Variants in NEIL3 observed in about 807,000 individuals in gnomAD.
NEIL3 encodes endonuclease 8-like 3.
Under a neutral mutation model 57.5 loss-of-function variants are expected in NEIL3, and 48 were observed. The ratio of observed to expected loss-of-function variants is 0.83; its 90% CI spans 0.66 to 1.06. The LOEUF (loss-of-function observed/expected upper bound fraction) is 1.06, where lower values mean the gene tolerates loss of function less well. NEIL3 is among the 50% of genes least tolerant of loss of function. NEIL3 has a pLI of 0.00. For missense variants in NEIL3, 717 were observed against 739.1 expected, an observed-to-expected ratio of 0.97 and a Z score of 0.35; for synonymous variants, 261 against 253.2, an observed-to-expected ratio of 1.03 and a Z score of -0.29.
chr4:177,337,726 C>T (rs745527735), intron 4 of NEIL3, among the ~76,000 whole-genome samples: 1 of 152,136 alleles, frequency 6.6e-6, no homozygotes, highest in Non-Finnish European at 1.5e-5. Flanking sequence ...TGGCCAGGCA[C>T]GGTGGTTCAT....
intron 2 of NEIL3, among the ~76,000 whole-genome samples, chr4:177,332,994 C>G (rs28543980): frequency 0.12 from 18,403 of 151,924 alleles, 1,207 homozygotes; most frequent in Middle Eastern, 0.21. Flanking sequence ...TCACTTTCAG[C>G]CTTCTGCATC....
downstream of NEIL3, among the ~76,000 whole-genome samples, chr4:177,366,461 C>T (rs769451586): frequency 1.3e-5 from 2 of 152,180 alleles, no homozygotes; most frequent in South Asian, 2.1e-4. Context: ...TGCAGTGGCA[C>T]AATCTCGGCT....
At chr4:177,364,178 T>G (rs58610743), downstream of NEIL3, among the ~76,000 whole-genome samples, 1 of 152,248 alleles carries the variant, frequency 6.6e-6, no homozygotes, top group African/African-American at 2.4e-5. Flanking sequence ...TCTATTATGA[T>G]AAAATTTCTC....
intron 2 of NEIL3, among the ~76,000 whole-genome samples, chr4:177,331,316 G>A (rs914913882): frequency 5.3e-5 from 8 of 150,934 alleles, no homozygotes; most frequent in Middle Eastern, 6.8e-3. Context: ...TGCTCTGTGC[G>A]GTCTGCTGGT....
intron 1 of NEIL3, among the ~76,000 whole-genome samples, chr4:177,311,732 C>G (rs1005317489): frequency 6.7e-6 from 1 of 149,446 alleles, no homozygotes; most frequent in Non-Finnish European, 1.5e-5. Context: ...CCATGCAGCT[C>G]AGGGATTGGA....
intron 8 of NEIL3, among the ~76,000 whole-genome samples, chr4:177,360,020 CA>C (rs1735576505): frequency 6.6e-6 from 1 of 152,130 alleles, no homozygotes; most frequent in East Asian, 1.9e-4. Flanking sequence ...TTAAAGTGGA[CA>C]GCAGAGAGAG....
chr4:177,335,424 A>G (rs910745395), intron 2 of NEIL3, among the ~76,000 whole-genome samples: 1 of 152,124 alleles, frequency 6.6e-6, no homozygotes, highest in Admixed American at 6.5e-5. Context: ...TTTTGGGCTT[A>G]TTGTTGGTAC....
chr4:177,369,843 A>G, the NEIL3 span, among the ~76,000 whole-genome samples: 2 of 152,216 alleles, frequency 1.3e-5, no homozygotes. Context: ...TTGTGAGGAT[A>G]AAATAAAATA....
Position 177,362,551 on chromosome 4 carries a change from A to C in NEIL3, c.*80A>C. 1 of 1,128,306 alleles carries C rather than the reference A, an allele frequency of 8.9e-7. No individual in the cohort carries two copies. Among genetic ancestry groups the C allele is most frequent in the Non-Finnish European group, 1.3e-6 (1 of 795,914 alleles). 69.9% of individuals were successfully genotyped at this position (1,128,306 alleles called of 1,614,324 possible). A position where few individuals can be genotyped will look rare whatever the true frequency, so the allele number is the denominator to read the frequency against. On this transcript the variant is annotated 3_prime_UTR_variant, in exon 10 of 10. Coordinates refer to ENST00000264596, the MANE Select transcript of NEIL3 (RefSeq NM_018248.3). ...CTCCTCTGTTTCATAGAAAAGTCAT[A>C]GAATATCTATGATACATTGAAAAGT...
At chr4:177,363,144 C>T (rs770916732), downstream of NEIL3, among the ~76,000 whole-genome samples, 2 of 152,124 alleles carry the variant, frequency 1.3e-5, no homozygotes, top group Non-Finnish European at 2.9e-5. Context: ...ACGCCCTCTC[C>T]CCGCTGCTTG....
intron 2 of NEIL3, among the ~76,000 whole-genome samples, chr4:177,330,846 T>A (rs1363256500): frequency 6.6e-6 from 1 of 152,216 alleles, no homozygotes; most frequent in South Asian, 2.1e-4. Context: ...CTGTGTATTT[T>A]ATAATTAGAG....
At chr4:177,347,479 A>G (rs1004598655) in intron 6 of NEIL3, among the ~76,000 whole-genome samples, 1 of 152,184 alleles carries the variant, frequency 6.6e-6, no homozygotes, top group African/African-American at 2.4e-5. Context: ...ACTGTTGCCA[A>G]TACTTTTGAG....
At chr4:177,334,214 T>C (rs1734934267) in intron 2 of NEIL3, among the ~76,000 whole-genome samples, 1 of 152,080 alleles carries the variant, frequency 6.6e-6, no homozygotes, top group African/African-American at 2.4e-5. Flanking sequence ...ATTTTCATGA[T>C]ACTGATACAT....
At chr4:177,347,867 A>G (rs1246966955) in intron 6 of NEIL3, among the ~76,000 whole-genome samples, 4 of 152,248 alleles carry the variant, frequency 2.6e-5, no homozygotes, top group Non-Finnish European at 5.9e-5. Context: ...AAACATCAGA[A>G]AAATGAGATA....
At chr4:177,315,024 G>A (rs1008870240) in intron 1 of NEIL3, among the ~76,000 whole-genome samples, 9 of 146,840 alleles carry the variant, frequency 6.1e-5, no homozygotes, top group Non-Finnish European at 8.9e-5. Flanking sequence ...AGCCGAGATC[G>A]CGCCACTGCA....
At chr4:177,331,152 ATAAGT>A (rs1320442119) in intron 2 of NEIL3, among the ~76,000 whole-genome samples, 1 of 152,198 alleles carries the variant, frequency 6.6e-6, no homozygotes, top group East Asian at 1.9e-4. Flanking sequence ...TATGTTTTAA[ATAAGT>A]TGAGTTGATA....
At chr4:177,368,116 A>G in the NEIL3 span, among the ~76,000 whole-genome samples, 7 of 152,220 alleles carry the variant, frequency 4.6e-5, no homozygotes, top group African/African-American at 1.4e-4. Context: ...TGTCTTTAAT[A>G]TGTACAAATA....
chr4:177,327,139 A>C (rs900857225), intron 2 of NEIL3, among the ~76,000 whole-genome samples: 4 of 152,044 alleles, frequency 2.6e-5, no homozygotes, highest in African/African-American at 9.7e-5. Context: ...TGCCATCTGA[A>C]GAAGGTCCTT....
intron 6 of NEIL3, among the ~76,000 whole-genome samples, chr4:177,349,947 G>A (rs1251900471): frequency 6.6e-6 from 1 of 152,198 alleles, no homozygotes; most frequent in Non-Finnish European, 1.5e-5. Flanking sequence ...TTCAAAGTAA[G>A]TTAGTAGAGG....
Sources: allele counts gnomAD v4.1 joint callset (sites outside exome capture counted in the v4.1 genomes callset), GRCh38; gene constraint gnomAD v4.1.1; transcripts MANE v1.5; gene names NCBI Gene and HGNC (gene_info 2026-07-23, HGNC 2026-07-21).